EYS: variants seen among roughly 807,000 people sequenced by gnomAD.
The protein encoded by EYS is protein eyes shut homolog.
In EYS, 250 loss-of-function variants were observed where a neutral mutation model predicts 282.1. The observed-to-expected ratio is 0.89, with a 90% CI of 0.80 to 0.98. EYS has a LOEUF of 0.98. EYS is among the 50% of genes least tolerant of loss of function. The pLI is 0.00. For synonymous variants in EYS, 1,355 were observed against 1,282.9 expected (o/e 1.06, Z -1.20); for missense variants, 4,016 against 3,709.0 (o/e 1.08, Z -2.15).
At chr6:65,651,074 A>G (rs1767634512) in intron 1 of EYS, among the ~76,000 whole-genome samples, 1 of 147,976 alleles carries the variant, frequency 6.8e-6, no homozygotes, top group South Asian at 2.1e-4. Flanking sequence ...CTTTATTAAT[A>G]TAATAAAATG....
At chr6:65,078,476 A>G (rs979854609) in intron 12 of EYS, among the ~76,000 whole-genome samples, 5 of 151,990 alleles carry the variant, frequency 3.3e-5, no homozygotes, top group Non-Finnish European at 7.4e-5. Context: ...TATTCCTTTA[A>G]AAAAAAGTAA....
intron 22 of EYS, among the ~76,000 whole-genome samples, chr6:64,630,081 AT>A (rs565733399): frequency 2.6e-5 from 4 of 151,608 alleles, no homozygotes; most frequent in African/African-American, 4.8e-5. Flanking sequence ...TTATTCTGAG[AT>A]TTTTTTTGTT....
intron 5 of EYS, among the ~76,000 whole-genome samples, chr6:65,443,183 AT>A (rs1189895908): frequency 1.3e-5 from 2 of 151,522 alleles, no homozygotes; most frequent in Non-Finnish European, 3.0e-5. Flanking sequence ...TGTGCACATC[AT>A]ATACATATGT....
chr6:64,546,215 C>T (rs1246927098), intron 26 of EYS, among the ~76,000 whole-genome samples: 1 of 152,080 alleles, frequency 6.6e-6, no homozygotes, highest in Non-Finnish European at 1.5e-5. Flanking sequence ...AGAAATAAGG[C>T]CGCATATCTA....
intron 28 of EYS, among the ~76,000 whole-genome samples, chr6:64,426,051 T>C (rs1774399011): frequency 6.6e-6 from 1 of 151,984 alleles, no homozygotes; most frequent in Admixed American, 6.6e-5. Context: ...GGAACAGGCA[T>C]AAAAAGAGAA....
intron 28 of EYS, among the ~76,000 whole-genome samples, chr6:64,430,165 G>C (rs1431518677): frequency 6.6e-6 from 1 of 152,106 alleles, no homozygotes; most frequent in Non-Finnish European, 1.5e-5. Flanking sequence ...GCTTACTCTA[G>C]TGATAATGTT....
chr6:64,959,909 C>T (rs538888603), intron 14 of EYS, among the ~76,000 whole-genome samples: 1 of 142,810 alleles, frequency 7.0e-6, no homozygotes, highest in African/African-American at 2.6e-5. Context: ...TAAGAAGAAC[C>T]ACTGTTAAAG....
At chr6:65,196,992 C>T (rs1162172113) in intron 12 of EYS, among the ~76,000 whole-genome samples, 1 of 152,022 alleles carries the variant, frequency 6.6e-6, no homozygotes, top group Non-Finnish European at 1.5e-5. Flanking sequence ...CTCTGTAGAA[C>T]ACTTTTTGGA....
At chr6:64,339,882 C>T (rs575051796) in intron 29 of EYS, among the ~76,000 whole-genome samples, 1 of 151,572 alleles carries the variant, frequency 6.6e-6, no homozygotes, top group Non-Finnish European at 1.5e-5. Flanking sequence ...ATACAGTGGA[C>T]TTTGGGGACC....
intron 12 of EYS, among the ~76,000 whole-genome samples, chr6:65,143,552 A>AT (rs1764402778): frequency 6.6e-6 from 1 of 152,212 alleles, no homozygotes; most frequent in South Asian, 2.1e-4. Context: ...TATATAAAAC[A>AT]TTTAGCACAA....
chr6:64,301,704 G>C (rs1362675937), intron 30 of EYS, among the ~76,000 whole-genome samples: 1 of 152,134 alleles, frequency 6.6e-6, no homozygotes, highest in Non-Finnish European at 1.5e-5. Flanking sequence ...TGTAGACCTT[G>C]CCCTTCCTGC....
intron 31 of EYS, among the ~76,000 whole-genome samples, chr6:64,210,816 G>A (rs984470165): frequency 6.6e-6 from 1 of 152,206 alleles, no homozygotes; most frequent in Non-Finnish European, 1.5e-5. Flanking sequence ...AAAATGTACC[G>A]TCAGTGTGGC....
chr6:65,171,441 T>C (rs629971), intron 12 of EYS, among the ~76,000 whole-genome samples: 2,854 of 151,668 alleles, frequency 0.019, 73 homozygotes, highest in African/African-American at 0.065. Context: ...TTTCAACTTT[T>C]ATGTCACAAA....
chr6:64,656,186 A>G (rs1485592871), intron 22 of EYS, among the ~76,000 whole-genome samples: 1 of 94,168 alleles, frequency 1.1e-5, no homozygotes, highest in Non-Finnish European at 2.2e-5. Context: ...AAAAATTAGT[A>G]TCACAGAAAA....
intron 31 of EYS, among the ~76,000 whole-genome samples, chr6:64,098,298 G>A (rs1348124832): frequency 1.3e-5 from 2 of 152,188 alleles, no homozygotes; most frequent in East Asian, 3.9e-4. Flanking sequence ...TTATGATACA[G>A]GTATAGAAAG....
intron 19 of EYS, among the ~76,000 whole-genome samples, chr6:64,832,391 T>C (rs1335937995): frequency 1.3e-5 from 2 of 151,850 alleles, no homozygotes; most frequent in Non-Finnish European, 2.9e-5. Flanking sequence ...AGGTATCTAG[T>C]CACCAAACTT....
chr6:65,089,473 G>A (rs1231910766), intron 12 of EYS, among the ~76,000 whole-genome samples: 2 of 152,108 alleles, frequency 1.3e-5, no homozygotes, highest in African/African-American at 4.8e-5. Context: ...GAGGCCTGGA[G>A]CCCCTTTGTT....
intron 12 of EYS, among the ~76,000 whole-genome samples, chr6:65,181,917 A>G (rs1417843234): frequency 2.0e-5 from 3 of 152,134 alleles, no homozygotes; most frequent in Admixed American, 6.6e-5. Context: ...AGGGACATGG[A>G]TGAAGCTGGA....
At chr6:65,488,388 G>A (rs1048766966) in intron 5 of EYS, among the ~76,000 whole-genome samples, 1 of 151,852 alleles carries the variant, frequency 6.6e-6, no homozygotes, top group East Asian at 1.9e-4. Flanking sequence ...TGTTCTCATT[G>A]GTTTCAAAAA....
Sources: allele counts gnomAD v4.1 joint callset (sites outside exome capture counted in the v4.1 genomes callset), GRCh38; gene constraint gnomAD v4.1.1; transcripts MANE v1.5; gene names NCBI Gene and HGNC (gene_info 2026-07-23, HGNC 2026-07-21).